LRRC39: variants seen among roughly 807,000 people sequenced by gnomAD.
LRRC39 encodes leucine rich repeat containing 39.
A neutral mutation model predicts 39.7 loss-of-function variants in LRRC39; 35 were observed. The ratio of observed to expected loss-of-function variants is 0.88; its 90% confidence interval spans 0.67 to 1.17. LRRC39 has a LOEUF of 1.17. Ranked by LOEUF, LRRC39 falls within the 50% of genes most tolerant of loss-of-function variation. The probability of loss-of-function intolerance (pLI) is 0.00; values close to 1 mark genes in which losing one functional copy is unlikely to be tolerated. For missense variants in LRRC39, 357 were observed against 385.8 expected (o/e 0.93, Z 0.62); for synonymous variants, 113 against 134.1 (o/e 0.84, Z 1.09).
chr1:100,150,426 T>A (rs1045709924), intron 9 of LRRC39: 4 of 152,342 alleles, frequency 2.6e-5, no homozygotes, highest in Non-Finnish European at 5.9e-5. Flanking sequence ...GCAATACTAA[T>A]TTGTGTCATA....
At chr1:100,170,783 ACT>A (rs1257904012) in intron 2 of LRRC39, among the ~76,000 whole-genome samples, 2 of 151,358 alleles carry the variant, frequency 1.3e-5, no homozygotes, top group African/African-American at 2.4e-5. Flanking sequence ...GCGGGATATG[ACT>A]CTCTGCAGCC....
chr1:100,153,662 C>A (rs1658229022), intron 8 of LRRC39, among the ~76,000 whole-genome samples: 1 of 152,078 alleles, frequency 6.6e-6, no homozygotes, highest in African/African-American at 2.4e-5. Context: ...ATACAAGCAA[C>A]CTAAAATAAT....
chr1:100,174,103 A>C (rs896322786), intron 1 of LRRC39, among the ~76,000 whole-genome samples: 4 of 152,198 alleles, frequency 2.6e-5, no homozygotes, highest in Non-Finnish European at 4.4e-5. Flanking sequence ...TGACAATTCT[A>C]AGGATACAAA....
In LRRC39 at chr1:100,148,553, A is replaced by G. The variant is rs1657589416; in HGVS notation, c.*489T>C. 2.2e-6 allele frequency: 3 copies of G among 1,387,988 alleles called. No homozygotes were observed. The East Asian group carries it at 7.1e-5, about 33-fold the overall frequency. The allele number at this position is 1,387,988 out of a possible 1,614,324, so 86.0% of individuals were successfully genotyped here. ...GTTAGTTAACAGTCTCTCAATAAATAGTGACAAAAATAATTTTTTATAAAC... is the reference window on the plus strand; with the variant it reads ...GTTAGTTAACAGTCTCTCAATAAATGGTGACAAAAATAATTTTTTATAAAC... On this transcript the variant is annotated 3_prime_UTR_variant, in exon 10 of 10. Coordinates refer to ENST00000370137, the MANE Select transcript of LRRC39 (RefSeq NM_144620.4).
chr1:100,148,657 G>A lies in LRRC39; in HGVS notation c.*385C>T. 1 of 1,610,320 alleles carries A rather than the reference G, an allele frequency of 6.2e-7. No individual in the cohort carries two copies. The highest frequency in any genetic ancestry group is 8.5e-7 in the Non-Finnish European group (1 of 1,179,044). ...AGTGTTGAAGAAAAGAAGAAAATAG[G>A]GCATCTTTGTAAATTGCTGATTGAC... On this transcript the variant is annotated 3_prime_UTR_variant, in exon 10 of 10. Transcript: ENST00000370137.
Position 100,148,892 on chromosome 1 carries a change from AAT to A in LRRC39, c.*148_*149del. On this transcript the variant is annotated 3_prime_UTR_variant, in exon 10 of 10. Coordinates refer to ENST00000370137, the MANE Select transcript of LRRC39 (RefSeq NM_144620.4). ...TTTAATTATATTTTTATATCAAAAA[AAT>A]ATATACTTTAAATAGCAAATAATAT... is the stretch of plus-strand genomic sequence containing the variant. 8.9e-7 allele frequency: 1 copy of A among 1,127,630 alleles called. No homozygotes were observed. The allele number at this position is 1,127,630 out of a possible 1,614,324, so 69.9% of individuals were successfully genotyped here.
Position 100,158,383 on chromosome 1 carries a change from T to C in LRRC39, c.377-16A>G, listed in dbSNP as rs757318770. 17 of 1,602,124 alleles carry C rather than the reference T, an allele frequency of 1.1e-5. No homozygotes were observed. In the East Asian group the frequency reaches 1.6e-4, roughly 15 times the overall value. The stretch of plus-strand genomic sequence containing the variant: ...GTAAGCAGTCCTATAAAAAATAATA[T>C]ACAATAGAGAGGAGTTGGATATAAA... On this transcript the variant is annotated splice_polypyrimidine_tract_variant and intron_variant, in intron 5 of 9. Coordinates refer to ENST00000370137, the MANE Select transcript of LRRC39 (RefSeq NM_144620.4).
At chr1:100,157,007 CTG>C (rs1441675411) in intron 6 of LRRC39, among the ~76,000 whole-genome samples, 2 of 152,016 alleles carry the variant, frequency 1.3e-5, no homozygotes, top group Non-Finnish European at 2.9e-5. Context: ...GGTTAATAGA[CTG>C]TACAAAATCA....
At chr1:100,162,736 A>G (rs1658982313) in intron 3 of LRRC39, among the ~76,000 whole-genome samples, 1 of 152,222 alleles carries the variant, frequency 6.6e-6, no homozygotes, top group African/African-American at 2.4e-5. Context: ...GAGTAAGTTT[A>G]GAATTGAAAA....
At chr1:100,172,804 CA>C (rs1659719095) in intron 2 of LRRC39, among the ~76,000 whole-genome samples, 3 of 151,662 alleles carry the variant, frequency 2.0e-5, no homozygotes, top group African/African-American at 7.3e-5. Flanking sequence ...ACTAAAAATA[CA>C]AAAAATTAGC....
chr1:100,155,367 G>A (rs1658388102), intron 7 of LRRC39, among the ~76,000 whole-genome samples, 164 bp from the exon 8 acceptor site: 1 of 152,078 alleles, frequency 6.6e-6, no homozygotes, highest in African/African-American at 2.4e-5. Flanking sequence ...TAAAGTGCTG[G>A]GATTACAGGC....
chr1:100,153,262 C>T (rs1035537565), intron 8 of LRRC39, among the ~76,000 whole-genome samples: 1 of 152,002 alleles, frequency 6.6e-6, no homozygotes, highest in Non-Finnish European at 1.5e-5. Flanking sequence ...TCTCATTTGT[C>T]AGAAGATTAA....
intron 8 of LRRC39, among the ~76,000 whole-genome samples, chr1:100,153,687 A>G (rs1284395093): frequency 6.6e-6 from 1 of 152,212 alleles, no homozygotes; most frequent in African/African-American, 2.4e-5. Context: ...AATAATTTTT[A>G]AAAAGAAAAA....
intron 9 of LRRC39, 165 bp from the exon 10 acceptor site, chr1:100,149,262 G>C: frequency 6.6e-7 from 1 of 1,514,580 alleles, no homozygotes; most frequent in Non-Finnish European, 8.8e-7. Context: ...CTTATATGTG[G>C]ACATTTTTCC....
Position 100,168,466 on chromosome 1 carries a change from A to C in LRRC39, c.51T>G (p.Val17=), listed in dbSNP as rs775444212. 2 of 1,612,250 alleles carry C rather than the reference A, an allele frequency of 1.2e-6. No homozygotes were observed. The highest frequency in any genetic ancestry group is 2.2e-5 in the East Asian group (1 of 44,720). ...TGAGTTTCTTTATTCTTTTTTCCCA[A>C]ACTTCCTTTACAGCATTGACAGCCC... ...CTGAVNAVKE[V]WEKRIKKLNE... is the part of the protein sequence containing the mutation. Residue 17 remains valine, a synonymous_variant, in exon 3 of 10, where the codon GTT becomes GTG. Transcript: ENST00000370137.
rs916486420 is a variant in LRRC39 at position 100,149,476 on chromosome 1, G to A, written c.953-379C>T. The A allele has an allele frequency of 2.0e-6, 3 of 1,510,506 alleles. No individual in the cohort carries two copies. The African/African-American group carries it at 4.2e-5, about 21-fold the overall frequency. 93.6% of individuals were successfully genotyped at this position (1,510,506 alleles called of 1,614,324 possible). On this transcript the variant is annotated intron_variant, in intron 9 of 9. Transcript: ENST00000370137. ...AAAGATTATTTCACTTAATTATTTTGTTGGATAATTGTCTAGTTAGAACTT... is the reference window on the plus strand; with the variant it reads ...AAAGATTATTTCACTTAATTATTTTATTGGATAATTGTCTAGTTAGAACTT...
chr1:100,159,563 G>A (rs550437684), intron 4 of LRRC39, 148 bp from the exon 5 acceptor site: 1 of 374,506 alleles, frequency 2.7e-6, no homozygotes, highest in African/African-American at 2.3e-5. Flanking sequence ...AGTGCTTTGT[G>A]TGACTTCCGG....
At chr1:100,170,672 C>T (rs936622815) in intron 2 of LRRC39, among the ~76,000 whole-genome samples, 7 of 151,714 alleles carry the variant, frequency 4.6e-5, no homozygotes, top group East Asian at 1.9e-4. Context: ...TTATTTCTTT[C>T]GTTTCTTCCT....
intron 3 of LRRC39, among the ~76,000 whole-genome samples, chr1:100,167,194 A>C (rs1659308876): frequency 6.6e-6 from 1 of 152,234 alleles, no homozygotes; most frequent in African/African-American, 2.4e-5. Flanking sequence ...AAATAGAAAA[A>C]AATAGTTTCC....
Sources: gnomAD v4.1 joint callset for allele counts (sites outside exome capture counted in the v4.1 genomes callset) on GRCh38, gnomAD v4.1.1 for gene constraint, MANE v1.5 for transcripts, NCBI Gene and HGNC (gene_info 2026-07-23, HGNC 2026-07-21) for gene names.